MSI2: variants seen among roughly 807,000 people sequenced by gnomAD.
MSI2 encodes RNA-binding protein Musashi homolog 2.
MSI2 carries 17 observed loss-of-function variants against 45.6 expected under a neutral mutation model. That is an observed-to-expected ratio of 0.37 (90% CI 0.26 to 0.56). The LOEUF is 0.56. Ranked by LOEUF, MSI2 falls within the 20% of genes least tolerant of loss-of-function variation. MSI2 has a pLI of 0.77. For synonymous variants in MSI2, 156 were observed against 158.2 expected (o/e 0.99, Z 0.11); for missense variants, 293 against 444.2 (o/e 0.66, Z 3.06).
chr17:57,555,408 G>A (rs143446791), intron 7 of MSI2, among the ~76,000 whole-genome samples: 1 of 152,196 alleles, frequency 6.6e-6, no homozygotes. Flanking sequence ...CCTCAGTGTG[G>A]CCTCCAGGGT....
intron 7 of MSI2, among the ~76,000 whole-genome samples, chr17:57,545,670 C>T (rs1210212645): frequency 6.6e-6 from 1 of 152,128 alleles, no homozygotes; most frequent in Non-Finnish European, 1.5e-5. Context: ...GTCTTTAATT[C>T]CTATGACTTG....
intron 10 of MSI2, among the ~76,000 whole-genome samples, chr17:57,638,129 G>C (rs1256101715): frequency 6.6e-6 from 1 of 152,194 alleles, no homozygotes; most frequent in African/African-American, 2.4e-5. Flanking sequence ...CTGAGGTTCG[G>C]GTAGCTGGTG....
intron 5 of MSI2, among the ~76,000 whole-genome samples, chr17:57,383,068 G>A (rs948303486): frequency 2.6e-5 from 4 of 152,160 alleles, no homozygotes; most frequent in Non-Finnish European, 5.9e-5. Flanking sequence ...TGTAGAACAG[G>A]GTCTGTGTCC....
chr17:57,418,994 G>C (rs1431398777), intron 6 of MSI2, among the ~76,000 whole-genome samples: 4 of 152,140 alleles, frequency 2.6e-5, no homozygotes, highest in Non-Finnish European at 5.9e-5. Flanking sequence ...TCAATTTGAT[G>C]CAAGCTGCTT....
intron 6 of MSI2, among the ~76,000 whole-genome samples, chr17:57,465,476 G>C (rs974322173): frequency 3.9e-5 from 6 of 152,124 alleles, no homozygotes; most frequent in Admixed American, 3.3e-4. Context: ...TTTTGTGTTT[G>C]TTTTTTCGCC....
rs142816429 is a variant in MSI2, at chr17:57,384,905, C to A, written c.313-16474C>A. Reference sequence around the variant, plus strand: ...TTATCTTTCCTCTGCAAACCTGCTGCTTCTGCATCCCCTATCTCAATTGGT... The same window carrying A: ...TTATCTTTCCTCTGCAAACCTGCTGATTCTGCATCCCCTATCTCAATTGGT... On this transcript the variant is annotated intron_variant, in intron 5 of 13. Coordinates refer to ENST00000284073, the MANE Select transcript of MSI2 (RefSeq NM_138962.4). Among the ~76,000 whole-genome samples, 1,488 of 152,320 alleles carry A rather than the reference C, an allele frequency of 9.8e-3. 29 individuals carry two copies. The highest frequency in any genetic ancestry group is 0.034 in the African/African-American group (1,405 of 41,554).
At chr17:57,550,450 T>C (rs888656948) in intron 7 of MSI2, among the ~76,000 whole-genome samples, 2 of 152,226 alleles carry the variant, frequency 1.3e-5, no homozygotes, top group Admixed American at 1.3e-4. Context: ...TTCAGCTATA[T>C]GCAAGCTGTT....
rs182622257 is a variant in MSI2, at chr17:57,303,743, C to T, written c.312+41551C>T. ...CCCTTTGAGGAAGAAGACACTAGTC[C>T]CTGCCTCCAAGAAACTTACAAACTA... On this transcript the variant is annotated intron_variant, in intron 5 of 13. Coordinates refer to ENST00000284073, the MANE Select transcript of MSI2 (RefSeq NM_138962.4). Among the ~76,000 whole-genome samples the T allele has an allele frequency of 6.3e-4, 96 of 152,222 alleles. No homozygotes were observed. The East Asian group carries it at 7.3e-3, about 12-fold the overall frequency.
At chr17:57,494,942 A>G (rs2085945965) in intron 6 of MSI2, among the ~76,000 whole-genome samples, 2 of 152,184 alleles carry the variant, frequency 1.3e-5, no homozygotes, top group Admixed American at 1.3e-4. Context: ...AGAAAATTAC[A>G]TTGCACAATT....
chr17:57,377,846 C>T (rs779982691), intron 5 of MSI2, among the ~76,000 whole-genome samples: 21 of 152,068 alleles, frequency 1.4e-4, no homozygotes, highest in Admixed American at 2.6e-4. Context: ...GAAGCCAAGG[C>T]GGGTGGATCA....
downstream of MSI2, among the ~76,000 whole-genome samples, chr17:57,686,412 G>A (rs1913882900): frequency 6.6e-6 from 1 of 152,198 alleles, no homozygotes. Flanking sequence ...GATAGAAGGA[G>A]TGAGATCAAT....
At chr17:57,687,647 A>G (rs1913911028), downstream of MSI2, among the ~76,000 whole-genome samples, 1 of 152,126 alleles carries the variant, frequency 6.6e-6, no homozygotes, top group Non-Finnish European at 1.5e-5. Flanking sequence ...AATGAGTTTT[A>G]TCTAACTAAT....
chr17:57,694,136 C>T, the MSI2 span, among the ~76,000 whole-genome samples: 1 of 152,204 alleles, frequency 6.6e-6, no homozygotes, highest in Non-Finnish European at 1.5e-5. Context: ...TGGCCCACAA[C>T]ACCTAAAATA....
rs1005566255 is a variant in MSI2, at chr17:57,596,146, G to A, written c.455-722G>A. On this transcript the variant is annotated intron_variant, in intron 7 of 13. Coordinates refer to ENST00000284073, the MANE Select transcript of MSI2 (RefSeq NM_138962.4). The surrounding 1 kb of genome is among the most constrained non-coding windows in gnomAD (Gnocchi z 4.6). ...CGGGAGGAGAAGAAAGAAAGGGGCAGGAGGGTAGGAGAGGAACTGAGGATA... is the reference window on the plus strand; with the variant it reads ...CGGGAGGAGAAGAAAGAAAGGGGCAAGAGGGTAGGAGAGGAACTGAGGATA... Among the ~76,000 whole-genome samples, 4 of 152,210 alleles carry A rather than the reference G, an allele frequency of 2.6e-5. No homozygotes were observed. The highest frequency in any genetic ancestry group is 9.6e-5 in the African/African-American group (4 of 41,466).
chr17:57,451,044 G>A (rs914363881), intron 6 of MSI2, among the ~76,000 whole-genome samples: 50 of 151,990 alleles, frequency 3.3e-4, no homozygotes, highest in African/African-American at 1.1e-3. Flanking sequence ...AAGCTTCCTC[G>A]ATTGCTCATA....
intron 6 of MSI2, among the ~76,000 whole-genome samples, chr17:57,497,160 A>T (rs1299679835): frequency 3.3e-5 from 5 of 152,182 alleles, no homozygotes; most frequent in African/African-American, 7.2e-5. Context: ...TATTTTTAGT[A>T]GAGTCAGGGT....
chr17:57,340,677 A>G (rs952547294), intron 5 of MSI2, among the ~76,000 whole-genome samples: 1 of 152,168 alleles, frequency 6.6e-6, no homozygotes, highest in Non-Finnish European at 1.5e-5. Context: ...GTGGTGTGAC[A>G]CTGGGAAGTG....
downstream of MSI2, among the ~76,000 whole-genome samples, chr17:57,686,128 T>C (rs979327961): frequency 3.9e-5 from 6 of 152,202 alleles, no homozygotes. Context: ...CCATACATCC[T>C]GCTGCCCCTG....
At chr17:57,423,278 C>CT (rs1229862445) in intron 6 of MSI2, among the ~76,000 whole-genome samples, 1 of 152,226 alleles carries the variant, frequency 6.6e-6, no homozygotes, top group Admixed American at 6.5e-5. Context: ...AGAACATTAT[C>CT]TTCGCCATTC....
Sources: allele counts gnomAD v4.1 joint callset (sites outside exome capture counted in the v4.1 genomes callset), GRCh38; gene constraint gnomAD v4.1.1; non-coding constraint Gnocchi (gnomAD v3.1); transcripts MANE v1.5; gene names NCBI Gene and HGNC (gene_info 2026-07-23, HGNC 2026-07-21).